The following ADAM7 variants were observed in gnomAD, a reference collection of about 807,000 sequenced individuals.
ADAM7 encodes ADAM metallopeptidase domain 7, also known as disintegrin and metalloproteinase domain-containing protein 7.
ADAM7 carries 97 observed loss-of-function variants against 102.9 expected under a neutral mutation model. The observed-to-expected ratio is 0.94, with a 90% CI of 0.80 to 1.12. The LOEUF (loss-of-function observed/expected upper bound fraction) is 1.12. Among genes scored for constraint, ADAM7 ranks in the 50% most tolerant of loss-of-function variants. The probability of loss-of-function intolerance (pLI) is 0.00; values close to 1 mark genes in which losing one functional copy is unlikely to be tolerated. For synonymous variants in ADAM7, 334 were observed against 304.4 expected (o/e 1.10, Z -1.01); for missense variants, 991 against 908.7 (o/e 1.09, Z -1.16).
chr8:24,441,060 A>G lies in ADAM7; in HGVS notation c.-49A>G. ...GTGGAAGTGAGGAGGAAGAAAGGTG[A>G]ACTCCTTTTCTCAAGCACTTCTGCT... is the stretch of plus-strand genomic sequence containing the variant. On this transcript the variant is annotated 5_prime_UTR_variant, in exon 1 of 22. Coordinates refer to ENST00000175238, the MANE Select transcript of ADAM7 (RefSeq NM_003817.4). 1 of 1,545,822 alleles carries G rather than the reference A, an allele frequency of 6.5e-7. No individual in the cohort carries two copies. The highest frequency in any genetic ancestry group is 8.9e-7 in the Non-Finnish European group (1 of 1,118,296).
chr8:24,454,606 C>T (rs889782158), intron 3 of ADAM7, among the ~76,000 whole-genome samples: 22 of 152,274 alleles, frequency 1.4e-4, no homozygotes, highest in African/African-American at 3.1e-4. Flanking sequence ...TTGCGCTTCC[C>T]GGGGTGAGGC....
At chr8:24,446,238 A>T (rs533662481) in intron 2 of ADAM7, among the ~76,000 whole-genome samples, 3 of 152,340 alleles carry the variant, frequency 2.0e-5, no homozygotes, top group East Asian at 3.9e-4. Flanking sequence ...AAGGGCATGA[A>T]TCAGAATCCA....
chr8:24,466,453 A>G (rs1160165691), intron 5 of ADAM7, among the ~76,000 whole-genome samples: 1 of 152,188 alleles, frequency 6.6e-6, no homozygotes, highest in Admixed American at 6.5e-5. Context: ...TTACTTTCAT[A>G]TATATTCCAT....
Position 24,450,082 on chromosome 8 carries a change from A to G in ADAM7, c.233+2820A>G, listed in dbSNP as rs11988537. Among the ~76,000 whole-genome samples, 10 of 152,150 alleles carry G rather than the reference A, an allele frequency of 6.6e-5. No homozygotes were observed. The East Asian group carries it at 1.5e-3, about 24-fold the overall frequency. Reference sequence around the variant, plus strand: ...GTAGTGTAGTTTGAAGTCAGGTAGCATGATGCCTCCAGCTTTGTTCTTTTG... The same window carrying G: ...GTAGTGTAGTTTGAAGTCAGGTAGCGTGATGCCTCCAGCTTTGTTCTTTTG... On this transcript the variant is annotated intron_variant, in intron 3 of 21. Coordinates refer to ENST00000175238, the MANE Select transcript of ADAM7 (RefSeq NM_003817.4).
intron 3 of ADAM7, among the ~76,000 whole-genome samples, chr8:24,457,836 A>G (rs1316542048): frequency 6.7e-6 from 1 of 148,830 alleles, no homozygotes; most frequent in Non-Finnish European, 1.5e-5. Flanking sequence ...TTATGACCTT[A>G]AATTTGTGTA....
chr8:24,509,136 C>T lies in ADAM7; in HGVS notation c.*590C>T. On this transcript the variant is annotated 3_prime_UTR_variant, in exon 22 of 22. Transcript: ENST00000175238. ...ATAATGGTGGTGGGAAAGGAAAACA[C>T]AGAATGCTCCTGGCAATTCTAAATT... is the stretch of plus-strand genomic sequence containing the variant. 1.0e-6 allele frequency: 1 copy of T among 985,448 alleles called. No homozygotes were observed. Among genetic ancestry groups the T allele is most frequent in the South Asian group, 4.7e-5 (1 of 21,284 alleles). 61.0% of individuals were successfully genotyped at this position (985,448 alleles called of 1,614,324 possible).
chr8:24,460,175 A>T (rs1214003896), intron 3 of ADAM7, among the ~76,000 whole-genome samples: 4 of 152,114 alleles, frequency 2.6e-5, no homozygotes, highest in Non-Finnish European at 5.9e-5. Flanking sequence ...TATGTTTACT[A>T]TATAAATAAG....
At chr8:24,447,341 A>C (rs531270763) in intron 3 of ADAM7, 79 bp downstream of exon 3, 1 of 683,238 alleles carries the variant, frequency 1.5e-6, no homozygotes, top group South Asian at 3.3e-5. Flanking sequence ...CTGCCAGTGA[A>C]GAGGATTCCT....
chr8:24,480,069 C>A (rs1446557644), intron 8 of ADAM7, among the ~76,000 whole-genome samples: 1 of 152,128 alleles, frequency 6.6e-6, no homozygotes, highest in African/African-American at 2.4e-5. Flanking sequence ...GAGGAAGGAA[C>A]AGTGTGGAGT....
intron 20 of ADAM7, among the ~76,000 whole-genome samples, chr8:24,506,753 G>GCACACACACACACACACA (rs71549838): frequency 1.1e-4 from 16 of 144,290 alleles, no homozygotes; most frequent in African/African-American, 3.8e-4. Flanking sequence ...CTGAGTCAAA[G>GCACACACACACACACACA]CACACACACA....
chr8:24,459,417 G>A (rs1819160046), intron 3 of ADAM7, among the ~76,000 whole-genome samples: 1 of 151,664 alleles, frequency 6.6e-6, no homozygotes, highest in Non-Finnish European at 1.5e-5. Flanking sequence ...TCTAAAAGGG[G>A]CTATCAATTG....
chr8:24,442,405 C>A (rs1818405233), intron 1 of ADAM7, 68 bp from the exon 2 acceptor site: 3 of 1,064,146 alleles, frequency 2.8e-6, no homozygotes, highest in South Asian at 1.3e-5. Flanking sequence ...TAGAACAATT[C>A]TGTTTTTCAG....
intron 3 of ADAM7, among the ~76,000 whole-genome samples, chr8:24,449,272 A>G (rs1293890119): frequency 2.0e-5 from 3 of 152,050 alleles, no homozygotes; most frequent in African/African-American, 4.8e-5. Context: ...CCCACCAACA[A>G]TGTAAAAGTG....
intron 3 of ADAM7, among the ~76,000 whole-genome samples, chr8:24,453,745 A>G (rs1456496942): frequency 6.6e-6 from 1 of 152,112 alleles, no homozygotes; most frequent in Non-Finnish European, 1.5e-5. Context: ...TAGAGTTTCC[A>G]GTTTTTCTGC....
rs906684540 is a variant in ADAM7 at position 24,482,293 on chromosome 8, A to T, written c.857A>T (p.Asp286Val). 6.2e-7 allele frequency: 1 copy of T among 1,610,794 alleles called. No individual in the cohort carries two copies. The highest frequency in any genetic ancestry group is 1.3e-5 in the African/African-American group (1 of 74,838). The change falls in exon 9 of 22, where the codon GAT becomes GTT. Residue 286 changes from aspartate to valine, a missense_variant. Transcript: ENST00000175238. ...EKILKTRKDF[D>V]HVVLLSGKWL... ...ATCCTTAAAACACGGAAGGATTTTG[A>T]TCATGTTGTATTACTCAGGTTGGTG...
At chr8:24,503,075 C>T (rs1820818196) in intron 20 of ADAM7, among the ~76,000 whole-genome samples, 1 of 151,906 alleles carries the variant, frequency 6.6e-6, no homozygotes, top group Admixed American at 6.6e-5. Flanking sequence ...TGCAAAGAAA[C>T]TTTAACATTC....
chr8:24,470,068 T>C (rs183184711), intron 7 of ADAM7, among the ~76,000 whole-genome samples: 8 of 152,072 alleles, frequency 5.3e-5, no homozygotes. Context: ...AATAAGCAAA[T>C]CAGATAACAT....
chr8:24,495,022 G>A (rs1354640360), intron 16 of ADAM7, among the ~76,000 whole-genome samples: 1 of 152,160 alleles, frequency 6.6e-6, no homozygotes, highest in Admixed American at 6.5e-5. Flanking sequence ...TGGGGAGTCA[G>A]GACATTCACC....
intron 3 of ADAM7, among the ~76,000 whole-genome samples, chr8:24,456,621 C>T (rs555216543): frequency 8.2e-6 from 1 of 122,404 alleles, no homozygotes; most frequent in South Asian, 3.0e-4. Flanking sequence ...CTCTAAAAAT[C>T]TGTCCTGGGA....
Sources: gnomAD v4.1 joint callset for allele counts (sites outside exome capture counted in the v4.1 genomes callset) on GRCh38, gnomAD v4.1.1 for gene constraint, MANE v1.5 for transcripts, NCBI Gene and HGNC (gene_info 2026-07-23, HGNC 2026-07-21) for gene names.